TMTC4: variants seen among roughly 807,000 people sequenced by gnomAD.
TMTC4 encodes transmembrane O-mannosyltransferase targeting cadherins 4, also known as protein O-mannosyl-transferase TMTC4.
Under a neutral mutation model 86.0 loss-of-function variants are expected in TMTC4, and 65 were observed. The ratio of observed to expected loss-of-function variants is 0.76; its 90% confidence interval spans 0.62 to 0.93. The LOEUF (loss-of-function observed/expected upper bound fraction) is 0.93, where lower values mean the gene tolerates loss of function less well. Among genes scored for constraint, TMTC4 ranks in the 40% least tolerant of loss-of-function variants. TMTC4 has a pLI of 0.00. For synonymous variants in TMTC4, 379 were observed against 382.5 expected, an observed-to-expected ratio of 0.99 and a Z score of 0.11; for missense variants, 866 against 948.1, an observed-to-expected ratio of 0.91 and a Z score of 1.14.
At chr13:100,662,937 C>A in intron 5 of TMTC4, 27 bp downstream of exon 5, 1 of 1,611,908 alleles carries the variant, frequency 6.2e-7, no homozygotes, top group Middle Eastern at 2.0e-4. Flanking sequence ...CACGTGCATA[C>A]AGATGCCTCG....
At chr13:100,670,723 T>A (rs1594391325) in intron 1 of TMTC4, 154 bp from the exon 2 acceptor site, 1 of 219,748 alleles carries the variant, frequency 4.6e-6, no homozygotes, top group African/African-American at 2.3e-5. Flanking sequence ...CCGAGGCCGG[T>A]GGATGGCTTG....
chr13:100,634,719 C>A (rs111535162), intron 12 of TMTC4, 86 bp downstream of exon 12: 7 of 1,499,602 alleles, frequency 4.7e-6, no homozygotes, highest in African/African-American at 4.2e-5. Context: ...CTAAATACTG[C>A]GCGACAGGAA....
At chr13:100,640,051 G>A (rs1050605718) in intron 7 of TMTC4, among the ~76,000 whole-genome samples, 1 of 152,156 alleles carries the variant, frequency 6.6e-6, no homozygotes, top group African/African-American at 2.4e-5. Flanking sequence ...GCCTGGGGAG[G>A]GGGTGGGGCC....
intron 4 of TMTC4, 100 bp downstream of exon 4, chr13:100,664,121 T>C (rs1222995068): frequency 2.9e-6 from 3 of 1,028,868 alleles, no homozygotes; most frequent in Admixed American, 2.8e-5. Context: ...AGCCACTGAC[T>C]AGACTCCTGA....
intron 6 of TMTC4, 82 bp from the exon 7 acceptor site, chr13:100,642,393 A>G: frequency 1.4e-6 from 2 of 1,459,156 alleles, no homozygotes. Flanking sequence ...AATTCTAAGC[A>G]AATACCTTAA....
intron 12 of TMTC4, among the ~76,000 whole-genome samples, chr13:100,627,897 C>T (rs1880789907): frequency 6.6e-6 from 1 of 152,092 alleles, no homozygotes; most frequent in South Asian, 2.1e-4. Flanking sequence ...GAGGCTGTGG[C>T]TGCAGTCCTA....
chr13:100,609,827 CTG>C (rs1313533920), intron 17 of TMTC4, among the ~76,000 whole-genome samples: 1 of 152,088 alleles, frequency 6.6e-6, no homozygotes, highest in Non-Finnish European at 1.5e-5. Context: ...GATGAACAAA[CTG>C]AGACCCAGAG....
chr13:100,633,326 A>C (rs1177311503), intron 12 of TMTC4, among the ~76,000 whole-genome samples: 1 of 150,578 alleles, frequency 6.6e-6, no homozygotes, highest in Non-Finnish European at 1.5e-5. Context: ...AAAAAAAAAA[A>C]AAAAAAAAAA....
At chr13:100,624,123 T>C (rs1221541551) in intron 15 of TMTC4, 4 of 172,698 alleles carry the variant, frequency 2.3e-5, no homozygotes, top group African/African-American at 4.8e-5. Flanking sequence ...TCAGGAGATC[T>C]AGACCATCCT....
intron 3 of TMTC4, among the ~76,000 whole-genome samples, chr13:100,667,043 T>C (rs1175557772): frequency 6.6e-6 from 1 of 152,174 alleles, no homozygotes; most frequent in Non-Finnish European, 1.5e-5. Context: ...AGTTACTTAG[T>C]TCTTTTAAGC....
At chr13:100,617,114 G>A (rs1878622590) in intron 15 of TMTC4, among the ~76,000 whole-genome samples, 1 of 148,052 alleles carries the variant, frequency 6.8e-6, no homozygotes, top group South Asian at 2.2e-4. Flanking sequence ...TGTTTCCTAG[G>A]TTTTCTTCTA....
intron 12 of TMTC4, among the ~76,000 whole-genome samples, chr13:100,628,761 A>T (rs7995648): frequency 0.45 from 68,946 of 152,048 alleles, 17,449 homozygotes; most frequent in Admixed American, 0.61. Flanking sequence ...TTCTCAACTA[A>T]ACATGGGCTT....
chr13:100,674,207 C>T (rs1275776795), intron 1 of TMTC4: 1 of 981,798 alleles, frequency 1.0e-6, no homozygotes, highest in African/African-American at 1.8e-5. Flanking sequence ...CGCGCCGCTC[C>T]GCTCCGCAGC....
chr13:100,662,328 C>T (rs911146741), intron 5 of TMTC4, among the ~76,000 whole-genome samples: 4 of 151,238 alleles, frequency 2.6e-5, no homozygotes, highest in Non-Finnish European at 4.4e-5. Context: ...ATACCAAGTA[C>T]ATCAGCATCT....
chr13:100,644,215 T>C (rs1298340548), intron 6 of TMTC4, among the ~76,000 whole-genome samples: 1 of 150,408 alleles, frequency 6.6e-6, no homozygotes, highest in Non-Finnish European at 1.5e-5. Context: ...ACCATTCTCC[T>C]GCCTCAGGCT....
intron 3 of TMTC4, 115 bp downstream of exon 3, chr13:100,668,464 G>A: frequency 1.9e-6 from 2 of 1,059,832 alleles, no homozygotes; most frequent in Non-Finnish European, 2.7e-6. Flanking sequence ...GCACCATCGG[G>A]GCCCAGGCCA....
chr13:100,668,861 C>T (rs781088946), intron 2 of TMTC4, 67 bp from the exon 3 acceptor site: 66 of 1,459,942 alleles, frequency 4.5e-5, no homozygotes, highest in Non-Finnish European at 5.7e-5. Flanking sequence ...CAGTGGGCAC[C>T]GTGAGTAAGA....
At chr13:100,632,053 A>ACACACTCTCT (rs1296569630) in intron 12 of TMTC4, among the ~76,000 whole-genome samples, 123 of 43,128 alleles carry the variant, frequency 2.9e-3, no homozygotes, top group Middle Eastern at 0.016. Flanking sequence ...ACACACACAC[A>ACACACTCTCT]CTCTCTCTCT....
chr13:100,647,146 C>T (rs1249495351), intron 6 of TMTC4, among the ~76,000 whole-genome samples: 2 of 152,224 alleles, frequency 1.3e-5, no homozygotes, highest in African/African-American at 4.8e-5. Flanking sequence ...CTTCCCGTGA[C>T]ACATGTTCCT....
Sources: gnomAD v4.1 joint callset for allele counts (sites outside exome capture counted in the v4.1 genomes callset) on GRCh38, gnomAD v4.1.1 for gene constraint, MANE v1.5 for transcripts, NCBI Gene and HGNC (gene_info 2026-07-23, HGNC 2026-07-21) for gene names.